Variants in RTTN observed in about 807,000 individuals in gnomAD.
RTTN encodes rotatin.
A neutral mutation model predicts 269.2 loss-of-function variants in RTTN; 182 were observed. The ratio of observed to expected loss-of-function variants is 0.68; its 90% CI spans 0.60 to 0.76. The LOEUF is 0.76. Among genes scored for constraint, RTTN ranks in the 30% least tolerant of loss-of-function variants. RTTN has a pLI of 0.00. For synonymous variants in RTTN, 1,006 were observed against 963.5 expected (o/e 1.04, Z -0.82); for missense variants, 2,545 against 2,608.6 (o/e 0.98, Z 0.53).
In RTTN at chr18:70,122,313, T is replaced by C. The variant is rs563595300; in HGVS notation, c.3384-613A>G. ...AGATTAGTAGACAATAAAACTTTTA[T>C]TTAAAAGGGAGAAGTAGTTTGGAAA... On this transcript the variant is annotated intron_variant, in intron 25 of 48. Coordinates refer to ENST00000640769, the MANE Select transcript of RTTN (RefSeq NM_173630.4). Among the ~76,000 whole-genome samples the C allele has an allele frequency of 1.0e-3, 157 of 152,102 alleles. 2 individuals carry two copies. The highest frequency in any genetic ancestry group is 1.3e-3 in the Non-Finnish European group (90 of 68,002).
intron 28 of RTTN, among the ~76,000 whole-genome samples, chr18:70,107,418 G>GT (rs1284188529): frequency 6.6e-6 from 1 of 152,198 alleles, no homozygotes; most frequent in Non-Finnish European, 1.5e-5. Context: ...CCCAAGGGCA[G>GT]ATATGCAAAA....
At chr18:70,045,182 T>C (rs1386285337) in intron 40 of RTTN, among the ~76,000 whole-genome samples, 1 of 152,224 alleles carries the variant, frequency 6.6e-6, no homozygotes, top group Admixed American at 6.5e-5. Flanking sequence ...GATACTGCTA[T>C]AAAGCACCAT....
intron 39 of RTTN, among the ~76,000 whole-genome samples, chr18:70,051,050 G>A (rs867046408): frequency 6.6e-6 from 1 of 152,010 alleles, no homozygotes; most frequent in South Asian, 2.1e-4. Context: ...AAACCTGCAC[G>A]TTCTGCACAT....
chr18:70,059,908 C>T lies in RTTN; in HGVS notation c.4882G>A (p.Ala1628Thr). The T allele has an allele frequency of 6.2e-7, 1 of 1,613,344 alleles. No individual in the cohort carries two copies. Among genetic ancestry groups the T allele is most frequent in the South Asian group, 1.1e-5 (1 of 90,950 alleles). Residue 1628 changes from alanine (A) to threonine (T), a missense_variant, in exon 36 of 49, where the codon GCT becomes ACT. Ala to Thr is a moderately conservative substitution (Grantham distance 58). Coordinates refer to ENST00000640769, the MANE Select transcript of RTTN (RefSeq NM_173630.4). ...AAAGCCTTTGCAGTGTCTCTGGGAG[C>T]AATCGTCAAGAGGTTGTCCAAGAGG... is the stretch of plus-strand genomic sequence containing the variant. ...CSLLDNLLTI[A>T]PRDTAKAFRQ... is the part of the protein sequence containing the mutation.
intron 27 of RTTN, among the ~76,000 whole-genome samples, chr18:70,112,884 G>A (rs940215943): frequency 2.6e-5 from 4 of 151,982 alleles, no homozygotes; most frequent in Admixed American, 6.6e-5. Flanking sequence ...GCACTTCATC[G>A]CACTTATTCT....
chr18:70,108,564 G>A (rs969319967), intron 28 of RTTN, among the ~76,000 whole-genome samples: 2 of 151,958 alleles, frequency 1.3e-5, no homozygotes, highest in African/African-American at 2.4e-5. Context: ...TGCAAAATTC[G>A]AAAAACTTTT....
intron 34 of RTTN, among the ~76,000 whole-genome samples, chr18:70,069,861 A>G (rs2058248728): frequency 6.6e-6 from 1 of 152,220 alleles, no homozygotes; most frequent in South Asian, 2.1e-4. Context: ...TTTTGAAAAC[A>G]TGGAAAAATA....
At position 70,128,510 on chromosome 18, in the gene RTTN, A is replaced by G. The variant is rs1315596336; in HGVS notation, c.2991T>C (p.Ala997=). ...GCAAAACTATGGAGTAAGGACTCAC[A>G]GCATGGTGTCCAATTACATGAACAG... ...HLPVHVIGHH[A]VSPYSIVLPL... The change falls in exon 24 of 49, where the codon GCT becomes GCC. Residue 997 remains alanine (A), a synonymous_variant. Transcript: ENST00000640769. 8 of 1,612,912 alleles carry G rather than the reference A, an allele frequency of 5.0e-6. No homozygotes were observed. The African/African-American group carries it at 1.1e-4, about 22-fold the overall frequency.
chr18:70,083,118 G>A (rs1228183260), intron 32 of RTTN, among the ~76,000 whole-genome samples: 1 of 152,102 alleles, frequency 6.6e-6, no homozygotes, highest in East Asian at 1.9e-4. Context: ...GACACAGCAG[G>A]AACTGGGTTC....
intron 23 of RTTN, chr18:70,131,540 T>C (rs1241162642): frequency 6.6e-6 from 1 of 151,722 alleles, no homozygotes; most frequent in African/African-American, 2.4e-5. Flanking sequence ...ATAGAAATAA[T>C]GTATATAGAA....
chr18:70,032,788 A>C (rs2057055808), intron 40 of RTTN, among the ~76,000 whole-genome samples: 1 of 152,182 alleles, frequency 6.6e-6, no homozygotes, highest in African/African-American at 2.4e-5. Context: ...AAAATTAACA[A>C]AGATATTCAA....
At chr18:70,184,703 GTTTT>G (rs374636456) in intron 10 of RTTN, among the ~76,000 whole-genome samples, 3 of 26,352 alleles carry the variant, frequency 1.1e-4, no homozygotes, top group African/African-American at 1.7e-4. Flanking sequence ...ACCACAGCAG[GTTTT>G]TTTTTTTTTT....
At chr18:70,167,768 G>A (rs2061029514) in intron 12 of RTTN, among the ~76,000 whole-genome samples, 1 of 150,078 alleles carries the variant, frequency 6.7e-6, no homozygotes, top group South Asian at 2.1e-4. Flanking sequence ...CTATCACAGA[G>A]AAAACAAGAA....
At chr18:70,041,735 T>A (rs1399473149) in intron 40 of RTTN, among the ~76,000 whole-genome samples, 2 of 152,086 alleles carry the variant, frequency 1.3e-5, no homozygotes, top group Non-Finnish European at 2.9e-5. Context: ...ACAGGAAAAT[T>A]TGTGGGCAAG....
Position 70,048,127 on chromosome 18 carries a change from C to A in RTTN, c.5385G>T (p.Leu1795Phe), listed in dbSNP as rs1423827634. 3.7e-6 allele frequency: 6 copies of A among 1,614,066 alleles called. No individual in the cohort carries two copies. The highest frequency in any genetic ancestry group is 5.1e-6 in the Non-Finnish European group (6 of 1,179,980). The part of the protein sequence containing the change: ...ATCPALYTAS[L>F]QFLSVLLTEE... ...CGGTCAAGAGAACAGAAAGGAATTG[C>A]AAGCTGGCAGTATACAGGGCAGGAC... The change falls in exon 40 of 49, where the codon TTG (leucine) becomes TTT (phenylalanine). Residue 1795 changes from leucine (L) to phenylalanine (F), a missense_variant. Transcript: ENST00000640769.
chr18:70,149,003 C>G lies in RTTN; in HGVS notation c.2207G>C (p.Cys736Ser). 2 of 1,613,298 alleles carry G rather than the reference C, an allele frequency of 1.2e-6. No individual in the cohort carries two copies. The highest frequency in any genetic ancestry group is 2.2e-5 in the East Asian group (1 of 44,868). ...YADTEDPLGN[C>S]ILLLSKASSD... ...ACTTGCTTTGCTTAGAAGGAGAATG[C>G]AGTTACCCAGAGGATCTTCTGTGTC... Residue 736 changes from cysteine to serine, a missense_variant, in exon 17 of 49, where the codon TGC (cysteine) becomes TCC (serine). Physicochemically the swap from Cys to Ser is moderately radical, Grantham distance 112. Coordinates refer to ENST00000640769, the MANE Select transcript of RTTN (RefSeq NM_173630.4).
intron 13 of RTTN, 29 bp from the exon 14 acceptor site, chr18:70,166,217 T>C (rs776328610): frequency 1.9e-6 from 3 of 1,610,292 alleles, no homozygotes; most frequent in Middle Eastern, 1.7e-4. Context: ...AACCAAGACA[T>C]GTGAGGCAAG....
At chr18:70,112,850 T>C in intron 27 of RTTN, among the ~76,000 whole-genome samples, 1 of 152,114 alleles carries the variant, frequency 6.6e-6, no homozygotes, top group South Asian at 2.1e-4. Context: ...TCACCCCAAA[T>C]CAACAGAATA....
In RTTN at chr18:70,139,649, A is replaced by G. The variant is rs1064796431; in HGVS notation, c.2738T>C (p.Met913Thr). 1 of 1,613,516 alleles carries G rather than the reference A, an allele frequency of 6.2e-7. No individual in the cohort carries two copies. Among genetic ancestry groups the G allele is most frequent in the Non-Finnish European group, 8.5e-7 (1 of 1,179,634 alleles). ...LRKVLCGDPV[M>T]RVSLSQQSSL... is the part of the protein sequence containing the mutation. ...AGACTGTTGCGAGAGCGAAACACGC[A>G]TGACTGGATCACCACATAAAACCTT... The change falls in exon 21 of 49, where the codon ATG becomes ACG. Residue 913 changes from methionine (M) to threonine (T), a missense_variant. By Grantham distance (81) the Met-to-Thr change is moderately conservative. Transcript: ENST00000640769.
Sources: allele counts gnomAD v4.1 joint callset (sites outside exome capture counted in the v4.1 genomes callset), GRCh38; gene constraint gnomAD v4.1.1; transcripts MANE v1.5; gene names NCBI Gene and HGNC (gene_info 2026-07-23, HGNC 2026-07-21).